KCNIP4: variants seen among roughly 807,000 people sequenced by gnomAD.
The protein encoded by KCNIP4 is potassium voltage-gated channel interacting protein 4.
KCNIP4 carries 12 observed loss-of-function variants against 34.0 expected under a neutral mutation model. That is an observed-to-expected ratio of 0.35 (90% CI 0.23 to 0.57). The LOEUF is 0.57. Ranked by LOEUF, KCNIP4 falls within the 20% of genes least tolerant of loss-of-function variation. The probability of loss-of-function intolerance (pLI) is 0.83; values close to 1 mark genes in which losing one functional copy is unlikely to be tolerated. For synonymous variants in KCNIP4, 124 were observed against 102.2 expected, an observed-to-expected ratio of 1.21 and a Z score of -1.29; for missense variants, 238 against 311.7, an observed-to-expected ratio of 0.76 and a Z score of 1.78.
At chr4:21,124,104 T>A (rs1202905299) in intron 1 of KCNIP4, among the ~76,000 whole-genome samples, 1 of 152,074 alleles carries the variant, frequency 6.6e-6, no homozygotes, top group Admixed American at 6.5e-5. Flanking sequence ...GGACACTGTT[T>A]TACATTTTTA....
chr4:20,811,392 C>A (rs1213983473), intron 3 of KCNIP4, among the ~76,000 whole-genome samples: 1 of 152,104 alleles, frequency 6.6e-6, no homozygotes. Flanking sequence ...TCCTAATGAA[C>A]CTGCTTAAGT....
intron 1 of KCNIP4, among the ~76,000 whole-genome samples, chr4:21,701,132 T>C (rs538022448): frequency 2.0e-5 from 3 of 152,328 alleles, no homozygotes; most frequent in Non-Finnish European, 2.9e-5. Context: ...GGATGTTCTA[T>C]GCTAAGTCAA....
chr4:21,485,560 C>T (rs550789529), intron 1 of KCNIP4, among the ~76,000 whole-genome samples: 2 of 152,296 alleles, frequency 1.3e-5, no homozygotes, highest in South Asian at 4.1e-4. Flanking sequence ...GCCACTTCAG[C>T]TCAGAATACC....
intron 2 of KCNIP4, among the ~76,000 whole-genome samples, chr4:20,859,716 G>A (rs1307077833): frequency 6.6e-6 from 1 of 152,134 alleles, no homozygotes; most frequent in African/African-American, 2.4e-5. Flanking sequence ...GCTTGGTACA[G>A]CTCAACTCGT....
intron 1 of KCNIP4, among the ~76,000 whole-genome samples, chr4:21,589,208 A>ATT (rs1741942191): frequency 1.7e-5 from 2 of 120,022 alleles, no homozygotes; most frequent in African/African-American, 3.2e-5. Context: ...ATATGTGTAC[A>ATT]TATATAAGTA....
chr4:21,127,796 C>G (rs1439947728), intron 1 of KCNIP4, among the ~76,000 whole-genome samples: 1 of 152,204 alleles, frequency 6.6e-6, no homozygotes, highest in Non-Finnish European at 1.5e-5. Context: ...TTCCATTGTT[C>G]TTTCCATTTT....
chr4:21,866,148 T>G (rs1725401694), intron 1 of KCNIP4, among the ~76,000 whole-genome samples: 2 of 152,136 alleles, frequency 1.3e-5, no homozygotes, highest in Admixed American at 6.5e-5. Flanking sequence ...TTAAAATAAT[T>G]CATTTTTTCT....
chr4:21,492,187 T>A (rs1309810196), intron 1 of KCNIP4, among the ~76,000 whole-genome samples: 1 of 152,152 alleles, frequency 6.6e-6, no homozygotes, highest in African/African-American at 2.4e-5. Flanking sequence ...TTTTACTAAC[T>A]CATTCCTCAA....
At chr4:21,193,214 T>G (rs1190635379) in intron 1 of KCNIP4, among the ~76,000 whole-genome samples, 1 of 152,198 alleles carries the variant, frequency 6.6e-6, no homozygotes, top group African/African-American at 2.4e-5. Context: ...CTGCAATTAT[T>G]CTGCTGATGT....
rs114596144 is a variant in KCNIP4 at position 21,485,539 on chromosome 4, T to C, written c.61+463032A>G. On this transcript the variant is annotated intron_variant, in intron 1 of 8. Coordinates refer to ENST00000382152, the MANE Select transcript of KCNIP4 (RefSeq NM_025221.6). ...TAAATCATCTCACAATTTTACGCTC[T>C]GGCATATTCTGCCACTTCAGCTCAG... is the stretch of plus-strand genomic sequence containing the variant. Among the ~76,000 whole-genome samples, 517 of 152,324 alleles carry C rather than the reference T, an allele frequency of 3.4e-3. 2 individuals carry two copies. The highest frequency in any genetic ancestry group is 0.012 in the African/African-American group (496 of 41,578).
intron 1 of KCNIP4, among the ~76,000 whole-genome samples, chr4:21,743,256 G>C (rs1716540193): frequency 6.6e-6 from 1 of 152,198 alleles, no homozygotes; most frequent in South Asian, 2.1e-4. Context: ...CCTTCTGGAG[G>C]GTTCGGAGAA....
chr4:21,923,703 A>T (rs887560669), intron 1 of KCNIP4, among the ~76,000 whole-genome samples: 11 of 152,162 alleles, frequency 7.2e-5, no homozygotes, highest in African/African-American at 2.4e-4. Flanking sequence ...ACTCTAGCCC[A>T]CCGTGGGCTC....
chr4:21,780,008 C>T (rs1719477470), intron 1 of KCNIP4, among the ~76,000 whole-genome samples: 1 of 151,420 alleles, frequency 6.6e-6, no homozygotes. Context: ...CTAGAAGACA[C>T]AGTGATTTAA....
intron 1 of KCNIP4, among the ~76,000 whole-genome samples, chr4:21,561,515 A>G (rs1199496979): frequency 6.6e-6 from 1 of 152,006 alleles, no homozygotes; most frequent in Non-Finnish European, 1.5e-5. Flanking sequence ...TCCCTCAACA[A>G]TAATTTCAGA....
chr4:21,074,867 C>G (rs1024296157), intron 1 of KCNIP4, among the ~76,000 whole-genome samples: 3 of 152,126 alleles, frequency 2.0e-5, no homozygotes, highest in Non-Finnish European at 4.4e-5. Flanking sequence ...CAAAGAACAT[C>G]TTTATTTCTG....
intron 1 of KCNIP4, among the ~76,000 whole-genome samples, chr4:21,665,618 C>T (rs939651241): frequency 6.6e-6 from 1 of 151,420 alleles, no homozygotes; most frequent in African/African-American, 2.4e-5. Context: ...AGGAACATTT[C>T]AAACAAAGTG....
chr4:21,824,749 T>C (rs114239982), intron 1 of KCNIP4, among the ~76,000 whole-genome samples: 1,748 of 152,236 alleles, frequency 0.011, 35 homozygotes, highest in African/African-American at 0.04. Context: ...CCTGTCTTGA[T>C]AGATGGGCTC....
chr4:21,805,409 A>T (rs144518209), intron 1 of KCNIP4, among the ~76,000 whole-genome samples: 49 of 151,998 alleles, frequency 3.2e-4, no homozygotes, highest in African/African-American at 1.2e-3. Flanking sequence ...GCACCACGAG[A>T]TCTGATGGTT....
rs539449131 is a variant in KCNIP4 at position 21,892,117 on chromosome 4, T to C, written c.61+56454A>G. The stretch of plus-strand genomic sequence containing the variant: ...ACTGTTGAGAGAATGCTGTTGTCAA[T>C]AGCTAAAAAACTGAAACTGCCAAAT... On this transcript the variant is annotated intron_variant, in intron 1 of 8. Coordinates refer to ENST00000382152, the MANE Select transcript of KCNIP4 (RefSeq NM_025221.6). Among the ~76,000 whole-genome samples the C allele has an allele frequency of 3.3e-5, 5 of 152,168 alleles. No homozygotes were observed. In the East Asian group the frequency reaches 9.7e-4, roughly 29 times the overall value.
Sources: gnomAD v4.1 joint callset for allele counts (sites outside exome capture counted in the v4.1 genomes callset) on GRCh38, gnomAD v4.1.1 for gene constraint, MANE v1.5 for transcripts, NCBI Gene and HGNC (gene_info 2026-07-23, HGNC 2026-07-21) for gene names.